WDR59: variants seen among roughly 807,000 people sequenced by gnomAD.
WDR59 encodes the protein WD repeat domain 59.
WDR59 carries 100 observed loss-of-function variants against 131.2 expected under a neutral mutation model. That is an observed-to-expected ratio of 0.76 (90% confidence interval 0.65 to 0.90). The LOEUF is 0.90. WDR59 is among the 40% of genes least tolerant of loss of function. The pLI is 0.00. For missense variants in WDR59, 1,203 were observed against 1,262.2 expected (o/e 0.95, Z 0.71); for synonymous variants, 601 against 466.2 (o/e 1.29, Z -3.72).
intron 18 of WDR59, among the ~76,000 whole-genome samples, chr16:74,900,509 T>C (rs1047933226): frequency 3.9e-5 from 6 of 152,222 alleles, no homozygotes; most frequent in Non-Finnish European, 7.3e-5. Flanking sequence ...GTTGCAACAA[T>C]GTTTAAATGT....
rs1239536886 is a variant in WDR59 at position 74,872,747 on chromosome 16, GT to G, written c.*1461del. The stretch of plus-strand genomic sequence containing the variant: ...CTGAACAGAGGCAAGGAAGACTTTG[GT>G]TTATTGACAGGGTCTCACTCTGTTG... On this transcript the variant is annotated 3_prime_UTR_variant, in exon 26 of 26. Transcript: ENST00000262144. The G allele has an allele frequency of 6.6e-6, 1 of 151,810 alleles. No individual in the cohort carries two copies. Among genetic ancestry groups the G allele is most frequent in the Non-Finnish European group, 1.5e-5 (1 of 68,016 alleles). The allele number at this position is 151,810 out of a possible 1,614,324, so 9.4% of individuals were successfully genotyped here. A position where few individuals can be genotyped will look rare whatever the true frequency, so the allele number is the denominator to read the frequency against.
At chr16:74,932,454 CA>C (rs1597740864) in intron 8 of WDR59, among the ~76,000 whole-genome samples, 1 of 150,520 alleles carries the variant, frequency 6.6e-6, no homozygotes, top group East Asian at 1.9e-4. Context: ...CACACACACA[CA>C]CACACACACA....
At position 74,966,325 on chromosome 16, in the gene WDR59, C is replaced by T. The variant is rs374541872; in HGVS notation, c.55-503G>A. 1.2e-4 allele frequency among the ~76,000 whole-genome samples: 18 copies of T among 151,976 alleles called. 2 individuals carry two copies. Among genetic ancestry groups the T allele is most frequent in the Admixed American group, 1.1e-3 (17 of 15,234 alleles). On this transcript the variant is annotated intron_variant, in intron 1 of 25. Coordinates refer to ENST00000262144, the MANE Select transcript of WDR59 (RefSeq NM_030581.4). ...TGAAACCCCAACTCTACTAAAAATA[C>T]AAAAATTAGCCCGGTGTTGTGGTGG...
intron 1 of WDR59, among the ~76,000 whole-genome samples, chr16:74,983,640 A>G (rs1425075196): frequency 2.0e-5 from 3 of 152,096 alleles, no homozygotes; most frequent in African/African-American, 4.8e-5. Flanking sequence ...CCAAATCCCA[A>G]TGCTGTGTGT....
rs12598693 is a variant in WDR59 at position 74,871,834 on chromosome 16, G to A, written c.*2375C>T. The A allele has an allele frequency of 0.36, 54,227 of 152,102 alleles. 10,031 individuals carry two copies. The highest frequency in any genetic ancestry group is 0.47 in the Middle Eastern group (137 of 294). 9.4% of individuals were successfully genotyped at this position (152,102 alleles called of 1,614,324 possible). On this transcript the variant is annotated 3_prime_UTR_variant, in exon 26 of 26. Coordinates refer to ENST00000262144, the MANE Select transcript of WDR59 (RefSeq NM_030581.4). ...GGCCTTCTCCTGTCATCCTCCCAGC[G>A]GCTCCCCCGCCCTGCTCACGCTACT...
chr16:74,899,491 A>T (rs1965446143), intron 18 of WDR59, among the ~76,000 whole-genome samples: 1 of 152,174 alleles, frequency 6.6e-6, no homozygotes, highest in Non-Finnish European at 1.5e-5. Context: ...ATCCCTGACA[A>T]TATTAGCCAT....
At chr16:74,936,220 G>A (rs2031786455) in intron 8 of WDR59, among the ~76,000 whole-genome samples, 1 of 152,186 alleles carries the variant, frequency 6.6e-6, no homozygotes, top group East Asian at 1.9e-4. Flanking sequence ...GTAGCTTTGA[G>A]TCTGTTTCCT....
chr16:74,949,037 A>C (rs1314810240), intron 5 of WDR59, among the ~76,000 whole-genome samples: 1 of 152,108 alleles, frequency 6.6e-6, no homozygotes, highest in Non-Finnish European at 1.5e-5. Context: ...AACAAATTAC[A>C]GGCCATGTAC....
At chr16:74,907,405 T>C (rs1322099220) in intron 17 of WDR59, among the ~76,000 whole-genome samples, 1 of 152,168 alleles carries the variant, frequency 6.6e-6, no homozygotes, top group Non-Finnish European at 1.5e-5. Flanking sequence ...GAGTGAGTTC[T>C]CATGAGATTT....
chr16:74,922,119 G>C lies in WDR59; in HGVS notation c.730-16C>G. The C allele has an allele frequency of 1.2e-6, 2 of 1,613,854 alleles. No individual in the cohort carries two copies. Among genetic ancestry groups the C allele is most frequent in the South Asian group, 1.1e-5 (1 of 91,010 alleles). ...TGCTGAAAGGCTAAGGCAGGGAAGG[G>C]AAAAGCAGGTGATTAGATTATTTCA... On this transcript the variant is annotated splice_polypyrimidine_tract_variant and intron_variant, in intron 9 of 25. Transcript: ENST00000262144.
chr16:74,978,726 C>T (rs953637286), intron 1 of WDR59, among the ~76,000 whole-genome samples: 4 of 151,942 alleles, frequency 2.6e-5, no homozygotes, highest in African/African-American at 9.7e-5. Context: ...ACAAACTCTA[C>T]AATTATACCT....
chr16:74,967,857 CA>C (rs10585403), intron 1 of WDR59, among the ~76,000 whole-genome samples: 9,795 of 114,180 alleles, frequency 0.086, 532 homozygotes, highest in African/African-American at 0.19. Flanking sequence ...GACTCGGTCT[CA>C]AAAAAAAAAA....
chr16:74,874,780 G>A (rs1283650381), intron 25 of WDR59, among the ~76,000 whole-genome samples: 2 of 152,114 alleles, frequency 1.3e-5, no homozygotes, highest in Non-Finnish European at 2.9e-5. Flanking sequence ...TAGTAGAGAC[G>A]GGGTTTCGCC....
At chr16:74,945,966 C>T (rs955596461) in intron 6 of WDR59, among the ~76,000 whole-genome samples, 28 of 151,894 alleles carry the variant, frequency 1.8e-4, no homozygotes, top group Non-Finnish European at 2.6e-4. Flanking sequence ...TACAGGCATG[C>T]ACCACCACGC....
At chr16:74,898,965 G>C (rs751880611) in intron 18 of WDR59, among the ~76,000 whole-genome samples, 2 of 152,140 alleles carry the variant, frequency 1.3e-5, no homozygotes, top group Non-Finnish European at 2.9e-5. Flanking sequence ...CAAGGCTATA[G>C]GATGATTCCC....
At chr16:74,970,644 T>C (rs367565438) in intron 1 of WDR59, among the ~76,000 whole-genome samples, 9 of 152,248 alleles carry the variant, frequency 5.9e-5, no homozygotes, top group African/African-American at 1.9e-4. Context: ...TATACACATC[T>C]TTCTTCTCCC....
At position 74,955,584 on chromosome 16, in the gene WDR59, C is replaced by A. The variant is rs144610450; in HGVS notation, c.240+891G>T. Among the ~76,000 whole-genome samples, 547 of 152,256 alleles carry A rather than the reference C, an allele frequency of 3.6e-3. 2 individuals are homozygous for A. Among genetic ancestry groups the A allele is most frequent in the African/African-American group, 0.013 (523 of 41,544 alleles). ...GAAAATCAGCGCAACCTCGGACATC[C>A]ACAGTTAAAGGCAGACTCTATTTTG... On this transcript the variant is annotated intron_variant, in intron 3 of 25. Coordinates refer to ENST00000262144, the MANE Select transcript of WDR59 (RefSeq NM_030581.4).
At position 74,981,237 on chromosome 16, in the gene WDR59, G is replaced by T. The variant is rs563848113; in HGVS notation, c.54+3727C>A. The stretch of plus-strand genomic sequence containing the variant: ...TATATATACAAAAAATTAGCCAGGC[G>T]TGGTGGTGGGCGCCTGTAGTCCCAG... On this transcript the variant is annotated intron_variant, in intron 1 of 25. Coordinates refer to ENST00000262144, the MANE Select transcript of WDR59 (RefSeq NM_030581.4). Among the ~76,000 whole-genome samples, 14 of 151,796 alleles carry T rather than the reference G, an allele frequency of 9.2e-5. No homozygotes were observed. In the South Asian group the frequency reaches 2.7e-3, roughly 29 times the overall value.
intron 1 of WDR59, chr16:74,984,592 C>G: frequency 3.5e-6 from 1 of 287,358 alleles, no homozygotes; most frequent in Non-Finnish European, 6.7e-6. Flanking sequence ...TAGAAAAGTC[C>G]CGCGACTTGC....
Sources: allele counts gnomAD v4.1 joint callset (sites outside exome capture counted in the v4.1 genomes callset), GRCh38; gene constraint gnomAD v4.1.1; transcripts MANE v1.5; gene names NCBI Gene and HGNC (gene_info 2026-07-23, HGNC 2026-07-21).